The following DNAH10 variants were observed in gnomAD, a reference collection of about 807,000 sequenced individuals.
The protein encoded by DNAH10 is axonemal beta dynein heavy chain 10.
DNAH10 carries 348 observed loss-of-function variants against 506.6 expected under a neutral mutation model. The ratio of observed to expected loss-of-function variants is 0.69; its 90% confidence interval spans 0.63 to 0.75. DNAH10 has a LOEUF of 0.75. DNAH10 is among the 30% of genes least tolerant of loss of function. DNAH10 has a pLI of 0.00. For missense variants in DNAH10, 5,179 were observed against 5,787.1 expected (o/e 0.89, Z 3.41); for synonymous variants, 2,059 against 2,198.6 (o/e 0.94, Z 1.78).
chr12:123,782,291 G>T (rs1957683974), intron 6 of DNAH10, among the ~76,000 whole-genome samples: 2 of 143,482 alleles, frequency 1.4e-5, no homozygotes, highest in Admixed American at 6.9e-5. Flanking sequence ...AAATAGTTGG[G>T]CTTTCCTTTT....
In DNAH10 at chr12:123,853,337, C is replaced by G. The variant is rs1951249718; in HGVS notation, c.6423C>G (p.Ser2141=). ...TGGCTGGTGAGCTGAAGAGAGGCTC[C>G]TCTGACCTTAGGGAGGTAGGGGCCA... ...LVMAGELKRG[S]SDLREDVVLM... is the part of the protein sequence containing the mutation. The change falls in exon 36 of 79, where the codon TCC becomes TCG. Residue 2141 remains serine (S), a synonymous_variant. Transcript: ENST00000673944. The surrounding 1 kb of genome is among the most constrained non-coding windows in gnomAD (Gnocchi z 4.7). The G allele has an allele frequency of 2.5e-6, 4 of 1,611,542 alleles. No homozygotes were observed. The South Asian group carries it at 4.4e-5, about 18-fold the overall frequency.
chr12:123,796,751 A>G lies in DNAH10; in HGVS notation c.2082A>G (p.Arg694=), dbSNP rs776319071. 1 of 1,614,112 alleles carries G rather than the reference A, an allele frequency of 6.2e-7. No homozygotes were observed. The change falls in exon 13 of 79, where the codon CGA becomes CGG. Residue 694 remains arginine, a synonymous_variant. Transcript: ENST00000673944. The stretch of plus-strand genomic sequence containing the variant: ...TAGCAGGTGCAATATACTGGGAACG[A>G]TCTCTGTTCTTTCGGATTAAGCATA... ...PPVAGAIYWE[R]SLFFRIKHTI...
rs887173743 is a variant in DNAH10, at chr12:123,926,510, C to T, written c.11922-127C>T. 9 of 975,032 alleles carry T rather than the reference C, an allele frequency of 9.2e-6. No homozygotes were observed. Among genetic ancestry groups the T allele is most frequent in the Non-Finnish European group, 1.3e-5 (9 of 675,130 alleles). The allele number at this position is 975,032 out of a possible 1,614,324, so 60.4% of individuals were successfully genotyped here. A position where few individuals can be genotyped will look rare whatever the true frequency, so the allele number is the denominator to read the frequency against. ...GAATCTAAAACAGGGAAGACTGCAA[C>T]GAGCTATCCCAGAGGAGTGGTCAGA... On this transcript the variant is annotated intron_variant, in intron 68 of 78. Transcript: ENST00000673944. The surrounding 1 kb of genome is among the most constrained non-coding windows in gnomAD (Gnocchi z 4.1).
intron 19 of DNAH10, among the ~76,000 whole-genome samples, chr12:123,809,649 T>TG (rs1958849637): frequency 8.7e-6 from 1 of 114,832 alleles, no homozygotes; most frequent in African/African-American, 5.2e-5. Context: ...ACCGTGTCTC[T>TG]AAAACAACAA....
At chr12:123,890,557 A>T (rs1415881982) in intron 52 of DNAH10, among the ~76,000 whole-genome samples, 2 of 151,768 alleles carry the variant, frequency 1.3e-5, no homozygotes, top group Non-Finnish European at 2.9e-5. Flanking sequence ...AGGTGTTGAG[A>T]TTACAGGCGT....
intron 17 of DNAH10, 106 bp from the exon 18 acceptor site, chr12:123,804,727 G>T (rs1958597288): frequency 1.9e-6 from 2 of 1,029,842 alleles, no homozygotes; most frequent in African/African-American, 1.6e-5. Flanking sequence ...GAGGTTGGAG[G>T]CTGGTTTTGG....
At position 123,762,491 on chromosome 12, in the gene DNAH10, G is replaced by C. The variant is rs1288502138; in HGVS notation, c.155G>C (p.Gly52Ala). Residue 52 changes from glycine (G) to alanine (A), a missense_variant, in exon 1 of 79, where the codon GGG becomes GCG. Gly to Ala is a moderately conservative substitution (Grantham distance 60, BLOSUM62 0). Coordinates refer to ENST00000673944, the MANE Select transcript of DNAH10 (RefSeq NM_001372106.1). The surrounding 1 kb of genome is among the most constrained non-coding windows in gnomAD (Gnocchi z 5.0). Reference protein sequence around the residue: ...HFLNQASEEEGPSALFIYRTM... With the variant: ...HFLNQASEEEAPSALFIYRTM... ...CTCAACCAGGCGAGCGAGGAGGAGG[G>C]GCCCTCGGCGCTCTTCATCTACCGC... 5.9e-6 allele frequency: 9 copies of C among 1,524,782 alleles called. No homozygotes were observed. Among genetic ancestry groups the C allele is most frequent in the Non-Finnish European group, 7.9e-6 (9 of 1,133,072 alleles). 94.5% of individuals were successfully genotyped at this position (1,524,782 alleles called of 1,614,324 possible). A position where few individuals can be genotyped will look rare whatever the true frequency, so the allele number is the denominator to read the frequency against.
intron 12 of DNAH10, among the ~76,000 whole-genome samples, chr12:123,795,424 T>G (rs1361445108): frequency 6.6e-6 from 1 of 152,148 alleles, no homozygotes; most frequent in Admixed American, 6.5e-5. Context: ...TGTGTTCCCT[T>G]CGGGAGTCTC....
chr12:123,792,345 G>A (rs893560234), intron 11 of DNAH10, among the ~76,000 whole-genome samples: 3 of 151,840 alleles, frequency 2.0e-5, no homozygotes, highest in Admixed American at 2.0e-4. Context: ...ATCAACAATA[G>A]CCTCTAAATA....
chr12:123,785,848 G>C lies in DNAH10; in HGVS notation c.1333G>C (p.Asp445His). 6.2e-7 allele frequency: 1 copy of C among 1,614,074 alleles called. No individual in the cohort carries two copies. The change falls in exon 9 of 79, where the codon GAC (aspartate) becomes CAC (histidine). Residue 445 changes from aspartate to histidine, a missense_variant. Coordinates refer to ENST00000673944, the MANE Select transcript of DNAH10 (RefSeq NM_001372106.1). This position sits in a 1 kb window ranked among gnomAD's most constrained non-coding sequence, Gnocchi z 4.1. The part of the protein sequence containing the change: ...VWIISRHYNK[D>H]ERMIPLMERI... ...GATCATCTCCCGACACTACAACAAAGACGAGAGGATGATTCCGCTCATGGA... is the reference window on the plus strand; with the variant it reads ...GATCATCTCCCGACACTACAACAAACACGAGAGGATGATTCCGCTCATGGA...
intron 5 of DNAH10, among the ~76,000 whole-genome samples, chr12:123,774,796 G>T (rs143456131): frequency 6.6e-6 from 1 of 152,198 alleles, no homozygotes. Context: ...CAGCTTGGGC[G>T]TTGGGGCCAT....
At chr12:123,797,937 C>G (rs190515495) in intron 13 of DNAH10, among the ~76,000 whole-genome samples, 19 of 152,334 alleles carry the variant, frequency 1.2e-4, no homozygotes, top group African/African-American at 4.3e-4. Flanking sequence ...AACGACTCAA[C>G]CTGTCGTTGC....
chr12:123,917,548 C>T lies in DNAH10; in HGVS notation c.11003-36C>T. 1 of 1,538,954 alleles carries T rather than the reference C, an allele frequency of 6.5e-7. No homozygotes were observed. Among genetic ancestry groups the T allele is most frequent in the Non-Finnish European group, 8.8e-7 (1 of 1,138,400 alleles). On this transcript the variant is annotated intron_variant, in intron 63 of 78. Coordinates refer to ENST00000673944, the MANE Select transcript of DNAH10 (RefSeq NM_001372106.1). The surrounding 1 kb of genome is among the most constrained non-coding windows in gnomAD (Gnocchi z 5.6). ...CAGCGGGAGAGACTGTTGTTGGGGG[C>T]CGCAGGTGGTGAGGGCCTCTCACTG...
intron 17 of DNAH10, 105 bp downstream of exon 17, chr12:123,803,930 A>G (rs1958564634): frequency 8.9e-7 from 1 of 1,120,672 alleles, no homozygotes; most frequent in South Asian, 1.7e-5. Flanking sequence ...ATGTATTTGT[A>G]TGTTCCATGA....
At position 123,902,863 on chromosome 12, in the gene DNAH10, A is replaced by C. The variant is rs1486237267; in HGVS notation, c.9641-76A>C. 1 of 1,484,770 alleles carries C rather than the reference A, an allele frequency of 6.7e-7. No individual in the cohort carries two copies. Among genetic ancestry groups the C allele is most frequent in the African/African-American group, 1.4e-5 (1 of 70,908 alleles). The allele number at this position is 1,484,770 out of a possible 1,614,324, so 92.0% of individuals were successfully genotyped here. The stretch of plus-strand genomic sequence containing the variant: ...GCTCAAGCCAACCTTTGAGGACTGC[A>C]CTCTGCTCAGAGCCGGGGCCGCGAG... On this transcript the variant is annotated intron_variant, in intron 56 of 78. Transcript: ENST00000673944. This position sits in a 1 kb window ranked among gnomAD's most constrained non-coding sequence, Gnocchi z 4.5.
chr12:123,833,490 T>C, intron 27 of DNAH10, 143 bp downstream of exon 27: 1 of 680,916 alleles, frequency 1.5e-6, no homozygotes, highest in Non-Finnish European at 2.5e-6. Flanking sequence ...TTTTTTGTCT[T>C]GATTTATTTT....
chr12:123,805,277 G>A (rs529605844), intron 18 of DNAH10, among the ~76,000 whole-genome samples: 6 of 152,182 alleles, frequency 3.9e-5, no homozygotes, highest in Non-Finnish European at 8.8e-5. Context: ...GAAAGCCATC[G>A]TGAGCCTGTG....
In DNAH10 at chr12:123,859,251, G is replaced by A. The variant is rs1341382129; in HGVS notation, c.6732G>A (p.Leu2244=). The change falls in exon 38 of 79, where the codon CTG becomes CTA. Residue 2244 remains leucine, a synonymous_variant. Transcript: ENST00000673944. ...RGGKSVVINT[L]CQAQTKLGLT... ...GCAAGTCCGTCGTCATTAACACTCTGTGTCAGGCCCAGACCAAGTGAGTAT... is the reference window on the plus strand; with the variant it reads ...GCAAGTCCGTCGTCATTAACACTCTATGTCAGGCCCAGACCAAGTGAGTAT... The A allele has an allele frequency of 1.2e-6, 2 of 1,608,158 alleles. No homozygotes were observed. The highest frequency in any genetic ancestry group is 1.7e-5 in the Admixed American group (1 of 58,838).
At chr12:123,924,002 T>C in intron 66 of DNAH10, 135 bp downstream of exon 66, 1 of 751,504 alleles carries the variant, frequency 1.3e-6, no homozygotes, top group Non-Finnish European at 2.1e-6. Flanking sequence ...CATTTTTCAC[T>C]ATTCCAGTTG....
Sources: allele counts gnomAD v4.1 joint callset (sites outside exome capture counted in the v4.1 genomes callset), GRCh38; gene constraint gnomAD v4.1.1; non-coding constraint Gnocchi (gnomAD v3.1); transcripts MANE v1.5; gene names NCBI Gene and HGNC (gene_info 2026-07-23, HGNC 2026-07-21).